The following SLK variants were observed in gnomAD, a reference collection of about 807,000 sequenced individuals.
SLK encodes the protein STE20-like serine/threonine-protein kinase.
SLK carries 67 observed loss-of-function variants against 147.7 expected under a neutral mutation model. The ratio of observed to expected loss-of-function variants is 0.45; its 90% CI spans 0.37 to 0.56. The LOEUF (loss-of-function observed/expected upper bound fraction) is 0.56. Among genes scored for constraint, SLK ranks in the 20% least tolerant of loss-of-function variants. The probability of loss-of-function intolerance (pLI) is 0.00; values close to 1 mark genes in which losing one functional copy is unlikely to be tolerated. For synonymous variants in SLK, 441 were observed against 475.0 expected (o/e 0.93, Z 0.93); for missense variants, 1,136 against 1,438.8 (o/e 0.79, Z 3.41).
chr10:104,012,589 A>G (rs1844413485), intron 13 of SLK, among the ~76,000 whole-genome samples: 2 of 152,230 alleles, frequency 1.3e-5, no homozygotes, highest in Admixed American at 6.5e-5. Context: ...AAGCACAGGA[A>G]GGCTGAGTGA....
In SLK at chr10:103,992,653, AC is replaced by A; in HGVS notation, c.364+9del. ...GTAGATGCTGTGATGCTTGGTAAATACCTTTTTGTTCTTTCTGTTCATATCT... is the reference window on the plus strand; with the variant it reads ...GTAGATGCTGTGATGCTTGGTAAATACTTTTTGTTCTTTCTGTTCATATCT... On this transcript the variant is annotated splice_region_variant and intron_variant, in intron 3 of 18. Coordinates refer to ENST00000369755, the MANE Select transcript of SLK (RefSeq NM_014720.4). 6.2e-7 allele frequency: 1 copy of A among 1,602,138 alleles called. No homozygotes were observed. Among genetic ancestry groups the A allele is most frequent in the Non-Finnish European group, 8.5e-7 (1 of 1,176,492 alleles).
chr10:104,025,553 C>T (rs538550294), intron 18 of SLK, 21 bp from the exon 19 acceptor site: 3 of 1,611,216 alleles, frequency 1.9e-6, no homozygotes, highest in Admixed American at 3.3e-5. Flanking sequence ...ATAGCAATTT[C>T]TTTTTCCCTT....
At chr10:104,020,198 C>T (rs186181436) in intron 16 of SLK, among the ~76,000 whole-genome samples, 7 of 152,304 alleles carry the variant, frequency 4.6e-5, no homozygotes, top group Non-Finnish European at 7.3e-5. Context: ...TGAGATGACT[C>T]GGACAACTTT....
At chr10:103,974,361 C>CA (rs1389767706) in intron 1 of SLK, among the ~76,000 whole-genome samples, 1 of 151,400 alleles carries the variant, frequency 6.6e-6, no homozygotes, top group African/African-American at 2.4e-5. Flanking sequence ...CTTGTAATCC[C>CA]AGCACTTTGG....
chr10:103,996,959 T>C (rs1245293814), intron 4 of SLK, among the ~76,000 whole-genome samples: 1 of 152,228 alleles, frequency 6.6e-6, no homozygotes, highest in Non-Finnish European at 1.5e-5. Context: ...CATTTTTAAG[T>C]GTACATTTCT....
chr10:104,017,550 G>T (rs953357375), intron 13 of SLK, among the ~76,000 whole-genome samples: 1 of 152,122 alleles, frequency 6.6e-6, no homozygotes, highest in Admixed American at 6.5e-5. Flanking sequence ...CATGATCTCA[G>T]CTCACTGCCA....
rs368834488 is a variant in SLK at position 104,002,542 on chromosome 10, T to C, written c.1364T>C (p.Ile455Thr). ...NSVSEGKENN[I>T]MITLETNIEH... is the part of the protein sequence containing the mutation. Reference sequence around the variant, plus strand: ...GTCAGTGAAGGAAAAGAGAATAATATAATGATAACCTTAGAAACAAATATT... The same window carrying C: ...GTCAGTGAAGGAAAAGAGAATAATACAATGATAACCTTAGAAACAAATATT... Residue 455 changes from isoleucine (I) to threonine (T), a missense_variant, in exon 9 of 19, where the codon ATA (isoleucine) becomes ACA (threonine). Physicochemically the swap from Ile to Thr is moderately conservative, Grantham distance 89 (BLOSUM62 -1). Transcript: ENST00000369755. The C allele has an allele frequency of 8.7e-6, 14 of 1,608,716 alleles. No individual in the cohort carries two copies. The African/African-American group carries it at 1.5e-4, about 17-fold the overall frequency.
At chr10:104,020,812 T>C (rs770201500) in intron 17 of SLK, among the ~76,000 whole-genome samples, 199 bp downstream of exon 17, 11 of 152,118 alleles carry the variant, frequency 7.2e-5, no homozygotes, top group Non-Finnish European at 1.6e-4. Flanking sequence ...ATAACCATGA[T>C]TAATGTAAAC....
chr10:104,020,683 A>G (rs1844523065), intron 17 of SLK, 70 bp downstream of exon 17: 5 of 1,526,934 alleles, frequency 3.3e-6, no homozygotes, highest in East Asian at 4.5e-5. Flanking sequence ...TTGAGAGAAC[A>G]GTAGCTAGCC....
intron 1 of SLK, among the ~76,000 whole-genome samples, chr10:103,976,052 G>T (rs1275343539): frequency 6.6e-6 from 1 of 152,206 alleles, no homozygotes; most frequent in East Asian, 1.9e-4. Context: ...GTAGGCACCT[G>T]CTACCATGCC....
chr10:103,986,637 T>C (rs988240150), intron 1 of SLK, among the ~76,000 whole-genome samples: 2 of 152,002 alleles, frequency 1.3e-5, no homozygotes, highest in African/African-American at 4.8e-5. Flanking sequence ...AACCCCGGGT[T>C]TAGTTATTTC....
chr10:104,018,834 C>G lies in SLK; in HGVS notation c.3058C>G (p.His1020Asp). 1 of 1,613,256 alleles carries G rather than the reference C, an allele frequency of 6.2e-7. No homozygotes were observed. Among genetic ancestry groups the G allele is most frequent in the Non-Finnish European group, 8.5e-7 (1 of 1,179,656 alleles). ...ELEERHLQEK[H>D]QLLKQQLKDQ... ...CGAAGAACGACACTTACAAGAAAAA[C>G]ACCAGCTGCTCAAACAGCAGCTTAA... Residue 1020 changes from histidine (H) to aspartate (D), a missense_variant, in exon 15 of 19, where the codon CAC (histidine) becomes GAC (aspartate). Physicochemically the swap from His to Asp is moderately conservative, Grantham distance 81 (BLOSUM62 -1). Around this residue, in one of 6 missense-constraint regions of SLK, gnomAD observed 327 missense variants for 457.5 expected, o/e 0.71. Transcript: ENST00000369755.
intron 11 of SLK, 137 bp downstream of exon 11, chr10:104,006,172 C>A: frequency 1.1e-6 from 1 of 937,426 alleles, no homozygotes. Context: ...TGATTTATTT[C>A]TGGCATTTTT....
intron 1 of SLK, among the ~76,000 whole-genome samples, chr10:103,989,726 C>T (rs1477010999): frequency 6.6e-6 from 1 of 152,124 alleles, no homozygotes; most frequent in East Asian, 1.9e-4. Context: ...CCTCGGCCTC[C>T]CAAAGTGCTG....
At position 103,967,280 on chromosome 10, in the gene SLK, C is replaced by G. The variant is rs1420415534; in HGVS notation, c.-466C>G. 2.0e-5 allele frequency: 3 copies of G among 150,306 alleles called. No homozygotes were observed. In the East Asian group the frequency reaches 5.9e-4, roughly 29 times the overall value. The allele number at this position is 150,306 out of a possible 1,614,324, so 9.3% of individuals were successfully genotyped here. A position where few individuals can be genotyped will look rare whatever the true frequency, so the allele number is the denominator to read the frequency against. ...GGACGGCGGCGGAGGAGACCCTAGG[C>G]TCGCGGCCCGAGGCGGGAGGGCTCG... On this transcript the variant is annotated 5_prime_UTR_variant, in exon 1 of 19. Coordinates refer to ENST00000369755, the MANE Select transcript of SLK (RefSeq NM_014720.4).
chr10:103,981,789 C>A (rs1213365700), intron 1 of SLK, among the ~76,000 whole-genome samples: 1 of 151,584 alleles, frequency 6.6e-6, no homozygotes, highest in African/African-American at 2.4e-5. Context: ...TGTTCTTTTT[C>A]AAGATTATTT....
chr10:103,971,445 T>G (rs1843792279), intron 1 of SLK, among the ~76,000 whole-genome samples: 1 of 152,198 alleles, frequency 6.6e-6, no homozygotes, highest in African/African-American at 2.4e-5. Flanking sequence ...GGGCTAATTT[T>G]TTGTATTTTT....
At chr10:104,008,041 C>A in intron 11 of SLK, 136 bp from the exon 12 acceptor site, 1 of 591,224 alleles carries the variant, frequency 1.7e-6, no homozygotes, top group Non-Finnish European at 2.8e-6. Flanking sequence ...GTGCATTTGA[C>A]TTTTTCAGTA....
rs375320590 is a variant in SLK, at chr10:104,002,741, G to A, written c.1563G>A (p.Gly521=). 1.9e-6 allele frequency: 3 copies of A among 1,613,828 alleles called. No homozygotes were observed. Among genetic ancestry groups the A allele is most frequent in the Admixed American group, 3.3e-5 (2 of 59,990 alleles). The change falls in exon 9 of 19, where the codon GGG becomes GGA. Residue 521 remains glycine (G), a synonymous_variant. Transcript: ENST00000369755. Reference sequence around the variant, plus strand: ...TTCAGGCAGTTGATAGTGAAGTTGGGCTTACAAAGGAAGACACCCAAGAGA... The same window carrying A: ...TTCAGGCAGTTGATAGTGAAGTTGGACTTACAAAGGAAGACACCCAAGAGA... The part of the protein sequence containing the change: ...ANIQAVDSEV[G]LTKEDTQEKL...
Sources: gnomAD v4.1 joint callset for allele counts (sites outside exome capture counted in the v4.1 genomes callset) on GRCh38, gnomAD v4.1.1 for gene constraint, gnomAD v4.1.1 regional missense constraint, MANE v1.5 for transcripts, NCBI Gene and HGNC (gene_info 2026-07-23, HGNC 2026-07-21) for gene names.